LBHD1: variants seen among roughly 807,000 people sequenced by gnomAD.
LBHD1 encodes the protein LBH domain-containing protein 1.
In LBHD1, 28 loss-of-function variants were observed where a neutral mutation model predicts 31.1. The ratio of observed to expected loss-of-function variants is 0.90; its 90% CI spans 0.67 to 1.24. LBHD1 has a LOEUF of 1.24. Among genes scored for constraint, LBHD1 ranks in the 50% most tolerant of loss-of-function variants. The pLI, the probability that LBHD1 is intolerant of heterozygous loss-of-function variation, is 0.00. For missense variants in LBHD1, 350 were observed against 323.0 expected (o/e 1.08, Z -0.64); for synonymous variants, 105 against 116.5 (o/e 0.90, Z 0.63).
In LBHD1 at chr11:62,672,118, C is replaced by CGG; in HGVS notation, c.-567_-566dup. 1 of 1,568,748 alleles carries CGG rather than the reference C, an allele frequency of 6.4e-7. No homozygotes were observed. Among genetic ancestry groups the CGG allele is most frequent in the Non-Finnish European group, 8.6e-7 (1 of 1,158,280 alleles). On this transcript the variant is annotated 5_prime_UTR_variant, in exon 1 of 7. The change abolishes the stop of an existing upstream ORF in the 5' untranslated region. Transcript: ENST00000354588. Reference sequence around the variant, plus strand: ...CGCCGGCGGGAGGTCACCGTGAGACCGGACTTGCCTCCGTGGGCGCCGGAC... The same window carrying CGG: ...CGCCGGCGGGAGGTCACCGTGAGACCGGGGACTTGCCTCCGTGGGCGCCGGAC...
chr11:62,665,144 T>G (rs1944759553), intron 4 of LBHD1, 171 bp from the exon 5 acceptor site: 1 of 1,002,292 alleles, frequency 1.0e-6, no homozygotes, highest in South Asian at 1.4e-5. Flanking sequence ...TCGGGGCCGG[T>G]TGATCTTTCC....
At chr11:62,665,486 A>G in intron 4 of LBHD1, 1 of 1,576,166 alleles carries the variant, frequency 6.3e-7, no homozygotes, top group Admixed American at 1.7e-5. Context: ...AGGAAGAGGG[A>G]AAGGGCTCTG....
At position 62,664,886 on chromosome 11, in the gene LBHD1, G is replaced by A. The variant is rs879188188; in HGVS notation, c.626C>T (p.Pro209Leu). The A allele has an allele frequency of 6.3e-7, 1 of 1,587,782 alleles. No homozygotes were observed. The highest frequency in any genetic ancestry group is 1.1e-5 in the South Asian group (1 of 87,730). ...AGGTGGTGCCGCGTGATCAGCCCTTGGTCTATCACAGCCCCGACCACCCGG... is the reference window on the plus strand; with the variant it reads ...AGGTGGTGCCGCGTGATCAGCCCTTAGTCTATCACAGCCCCGACCACCCGG... ...EAPGGRGCDRPRADHAAPPQE... is the reference protein window; with the variant it reads ...EAPGGRGCDRLRADHAAPPQE... Residue 209 changes from proline (P) to leucine (L), a missense_variant, in exon 5 of 7, where the codon CCA (proline) becomes CTA (leucine). Physicochemically the swap from Pro to Leu is moderately conservative, Grantham distance 98 (BLOSUM62 -3). Transcript: ENST00000354588.
chr11:62,665,329 G>A (rs1346239608), intron 4 of LBHD1: 5 of 742,772 alleles, frequency 6.7e-6, no homozygotes, highest in East Asian at 5.3e-5. Context: ...AGGGTGGTGA[G>A]CTAGTAAGTG....
At chr11:62,664,729 C>T in intron 5 of LBHD1, 120 bp downstream of exon 5, 1 of 1,308,830 alleles carries the variant, frequency 7.6e-7, no homozygotes, top group South Asian at 1.4e-5. Context: ...AGCCGACAGA[C>T]ATTCCCCGCA....
intron 5 of LBHD1, 34 bp downstream of exon 5, chr11:62,664,815 G>A (rs1292854530): frequency 1.3e-6 from 2 of 1,551,898 alleles, no homozygotes; most frequent in East Asian, 2.4e-5. Context: ...AGACTCGGTG[G>A]GGACGACCAA....
chr11:62,667,842 G>T, intron 3 of LBHD1, 95 bp from the exon 4 acceptor site: 1 of 897,858 alleles, frequency 1.1e-6, no homozygotes, highest in Non-Finnish European at 1.7e-6. Context: ...TATAATCACA[G>T]CACTTTGGGA....
At chr11:62,664,748 A>C in intron 5 of LBHD1, 101 bp downstream of exon 5, 1 of 1,405,144 alleles carries the variant, frequency 7.1e-7, no homozygotes, top group Non-Finnish European at 9.7e-7. Flanking sequence ...CATAAGCGTC[A>C]GTGCACAAGG....
chr11:62,667,384 G>A (rs1369769482), intron 4 of LBHD1, 139 bp downstream of exon 4: 6 of 854,224 alleles, frequency 7.0e-6, no homozygotes, highest in Admixed American at 7.0e-5. Flanking sequence ...AAACCCCTGC[G>A]CTGACTGACT....
rs71056540 is a variant in LBHD1 at position 62,664,082 on chromosome 11, GAAAAAAAAAA to G, written c.663+757_664-750del. On this transcript the variant is annotated intron_variant, in intron 5 of 6. Coordinates refer to ENST00000354588, the MANE Select transcript of LBHD1 (RefSeq NM_024099.5). The stretch of plus-strand genomic sequence containing the variant: ...AGGGAGACTCTGTCTCAAAAAAGAG[GAAAAAAAAAA>G]AAAAAAAAAAAAAGGACACAGAAAG... 5.8e-4 allele frequency among the ~76,000 whole-genome samples: 38 copies of G among 65,944 alleles called. No individual in the cohort carries two copies. The Admixed American group carries it at 7.1e-3, about 12-fold the overall frequency. The allele number at this position is 65,944 out of a possible 152,430, so 43.3% of individuals were successfully genotyped here.
At chr11:62,669,610 A>G in intron 3 of LBHD1, 31 bp downstream of exon 3, 1 of 1,595,888 alleles carries the variant, frequency 6.3e-7, no homozygotes, top group Non-Finnish European at 8.5e-7. Context: ...TTCAGCTCAC[A>G]GTGGCCCCCT....
At chr11:62,669,152 C>A (rs1454595485) in intron 3 of LBHD1, among the ~76,000 whole-genome samples, 1 of 152,070 alleles carries the variant, frequency 6.6e-6, no homozygotes, top group Non-Finnish European at 1.5e-5. Flanking sequence ...GATCTCCTGA[C>A]CTTGTGATCT....
intron 4 of LBHD1, chr11:62,665,304 C>T (rs1011805368): frequency 2.8e-5 from 20 of 712,516 alleles, no homozygotes; most frequent in African/African-American, 1.4e-4. Context: ...CTCCGCGGTG[C>T]GGGAGGCCTT....
intron 4 of LBHD1, chr11:62,665,335 A>G (rs532641319): frequency 6.0e-5 from 45 of 754,164 alleles, no homozygotes; most frequent in African/African-American, 4.0e-4. Context: ...GTGAGCTAGT[A>G]AGTGTGGTTT....
chr11:62,662,933 C>G lies in LBHD1; in HGVS notation c.*196G>C. 1 of 773,136 alleles carries G rather than the reference C, an allele frequency of 1.3e-6. No homozygotes were observed. Among genetic ancestry groups the G allele is most frequent in the Non-Finnish European group, 2.1e-6 (1 of 486,618 alleles). 47.9% of individuals were successfully genotyped at this position (773,136 alleles called of 1,614,324 possible). On this transcript the variant is annotated 3_prime_UTR_variant, in exon 7 of 7. Coordinates refer to ENST00000354588, the MANE Select transcript of LBHD1 (RefSeq NM_024099.5). ...ATCCCTCTAGGGGAGGTCAGTAGGC[C>G]ATTAGGTAGGAGGAAATCTGGAGAG...
chr11:62,667,250 T>C, intron 4 of LBHD1: 2 of 646,316 alleles, frequency 3.1e-6, no homozygotes, highest in Non-Finnish European at 5.3e-6. Flanking sequence ...GTTACGGAGA[T>C]TACATACAAT....
chr11:62,667,328 T>C (rs1944847584), intron 4 of LBHD1, 195 bp downstream of exon 4: 2 of 660,184 alleles, frequency 3.0e-6, no homozygotes, highest in Non-Finnish European at 5.2e-6. Flanking sequence ...ATTCCCCAGT[T>C]TCAACTAACT....
chr11:62,665,462 C>A (rs914338142), intron 4 of LBHD1: 10 of 1,572,042 alleles, frequency 6.4e-6, no homozygotes, highest in Non-Finnish European at 8.6e-6. Flanking sequence ...GGTGCCGCTC[C>A]CCGTAATGTA....
At chr11:62,666,639 TG>T in intron 4 of LBHD1, 1 of 1,614,168 alleles carries the variant, frequency 6.2e-7, no homozygotes, top group Non-Finnish European at 8.5e-7. Context: ...GTGGATGTGC[TG>T]GGGGTGGACT....
Sources: gnomAD v4.1 joint callset for allele counts (sites outside exome capture counted in the v4.1 genomes callset) on GRCh38, gnomAD v4.1.1 for gene constraint, MANE v1.5 for transcripts, NCBI Gene and HGNC (gene_info 2026-07-23, HGNC 2026-07-21) for gene names.